GALNTL5: variants seen among roughly 807,000 people sequenced by gnomAD.
The protein encoded by GALNTL5 is inactive polypeptide N-acetylgalactosaminyltransferase-like protein 5.
Under a neutral mutation model 51.0 loss-of-function variants are expected in GALNTL5, and 44 were observed. The observed-to-expected ratio is 0.86, with a 90% CI of 0.68 to 1.11. GALNTL5 has a LOEUF of 1.11. GALNTL5 is among the 50% of genes least tolerant of loss of function. GALNTL5 has a pLI of 0.00. For missense variants in GALNTL5, 528 were observed against 531.8 expected (o/e 0.99, Z 0.07); for synonymous variants, 192 against 182.8 (o/e 1.05, Z -0.41).
intron 3 of GALNTL5, among the ~76,000 whole-genome samples, chr7:151,977,275 A>G (rs74527662): frequency 0.039 from 5,936 of 152,262 alleles, 197 homozygotes; most frequent in East Asian, 0.2. Flanking sequence ...CAAGTAGAAA[A>G]TAAGTTATAA....
intron 3 of GALNTL5, among the ~76,000 whole-genome samples, chr7:151,980,061 TTCTG>T (rs2081259895): frequency 6.6e-6 from 1 of 152,180 alleles, no homozygotes; most frequent in Admixed American, 6.5e-5. Context: ...CTCTCCTACT[TTCTG>T]TCTCTCAACT....
chr7:151,993,059 G>A (rs1431382128), intron 5 of GALNTL5, among the ~76,000 whole-genome samples: 1 of 152,028 alleles, frequency 6.6e-6, no homozygotes, highest in African/African-American at 2.4e-5. Context: ...CCAACAGGGA[G>A]AACCCCCATC....
intron 3 of GALNTL5, among the ~76,000 whole-genome samples, chr7:151,976,006 A>G (rs1162009123): frequency 1.3e-5 from 2 of 152,182 alleles, no homozygotes; most frequent in Non-Finnish European, 2.9e-5. Context: ...ATCCTGGAGG[A>G]TATTCCATGT....
At chr7:151,999,500 C>T (rs1355078506) in intron 5 of GALNTL5, among the ~76,000 whole-genome samples, 1 of 152,188 alleles carries the variant, frequency 6.6e-6, no homozygotes, top group Non-Finnish European at 1.5e-5. Flanking sequence ...CAAATTTCTC[C>T]ATATCCCTGC....
At chr7:151,992,925 G>T (rs1450370025) in intron 5 of GALNTL5, among the ~76,000 whole-genome samples, 1 of 151,962 alleles carries the variant, frequency 6.6e-6, no homozygotes, top group African/African-American at 2.4e-5. Context: ...CCACGCACAC[G>T]CATCGCATCT....
intron 7 of GALNTL5, among the ~76,000 whole-genome samples, chr7:152,013,857 G>A (rs1428266606): frequency 1.3e-5 from 2 of 152,126 alleles, no homozygotes; most frequent in Non-Finnish European, 2.9e-5. Context: ...TTTCTTCTGT[G>A]TGCTTTCCTG....
chr7:151,989,033 G>T (rs941326320), intron 5 of GALNTL5, among the ~76,000 whole-genome samples: 2 of 152,042 alleles, frequency 1.3e-5, no homozygotes, highest in African/African-American at 2.4e-5. Context: ...CATACTGTCT[G>T]TACTGTCCTG....
At chr7:151,984,620 G>T (rs1163039961) in intron 4 of GALNTL5, among the ~76,000 whole-genome samples, 2 of 152,160 alleles carry the variant, frequency 1.3e-5, no homozygotes, top group African/African-American at 2.4e-5. Context: ...GAGGGCACAG[G>T]ACTGTCTATT....
chr7:151,991,861 G>C (rs529156634), intron 5 of GALNTL5, among the ~76,000 whole-genome samples: 1 of 152,290 alleles, frequency 6.6e-6, no homozygotes, highest in Admixed American at 6.5e-5. Context: ...AGAGATGATA[G>C]ATTAAAATGG....
intron 7 of GALNTL5, among the ~76,000 whole-genome samples, chr7:152,010,495 C>T (rs1030571956): frequency 2.6e-5 from 4 of 152,026 alleles, no homozygotes; most frequent in Admixed American, 6.6e-5. Flanking sequence ...GGCCCAGGTG[C>T]GGCAGCTCAC....
chr7:152,006,793 G>A (rs1447277731), intron 6 of GALNTL5, among the ~76,000 whole-genome samples: 2 of 151,844 alleles, frequency 1.3e-5, no homozygotes, highest in Non-Finnish European at 2.9e-5. Flanking sequence ...GGGGGGGGCG[G>A]GACAGATTCT....
At chr7:151,992,525 T>C (rs2081440119) in intron 5 of GALNTL5, among the ~76,000 whole-genome samples, 1 of 152,142 alleles carries the variant, frequency 6.6e-6, no homozygotes, top group Non-Finnish European at 1.5e-5. Context: ...CGGCTCCGCC[T>C]CTCTGTTCAC....
chr7:151,999,069 C>A (rs12668772), intron 5 of GALNTL5, among the ~76,000 whole-genome samples: 50,789 of 151,856 alleles, frequency 0.33, 8,713 homozygotes, highest in East Asian at 0.53. Context: ...CAGTCTCTGG[C>A]AACCACCTAT....
chr7:151,993,997 A>G (rs2081460524), intron 5 of GALNTL5, among the ~76,000 whole-genome samples: 1 of 152,152 alleles, frequency 6.6e-6, no homozygotes, highest in African/African-American at 2.4e-5. Context: ...TATATGTATA[A>G]TTTTGTTCAT....
In GALNTL5 at chr7:152,002,864, C is replaced by T; in HGVS notation, c.809C>T (p.Pro270Leu). The change falls in exon 6 of 9, where the codon CCT (proline) becomes CTT (leucine). Residue 270 changes from proline to leucine, a missense_variant. By Grantham distance (98) the Pro-to-Leu change is moderately conservative. Coordinates refer to ENST00000392800, the MANE Select transcript of GALNTL5 (RefSeq NM_145292.4). ...AGAACTCTGGAGTATAAGCCCTCTC[C>T]TCTTGTAAGGGGAACTTTTGATTGG... ...DDRTLEYKPS[P>L]LVRGTFDWNL... is the part of the protein sequence containing the mutation. 1 of 1,614,132 alleles carries T rather than the reference C, an allele frequency of 6.2e-7. No homozygotes were observed. Among genetic ancestry groups the T allele is most frequent in the Non-Finnish European group, 8.5e-7 (1 of 1,180,004 alleles).
intron 1 of GALNTL5, among the ~76,000 whole-genome samples, chr7:151,962,558 C>T (rs997025468): frequency 1.1e-4 from 17 of 151,392 alleles, no homozygotes; most frequent in African/African-American, 7.3e-5. Flanking sequence ...CCCACATACT[C>T]TTCCTCTCAA....
In GALNTL5 at chr7:152,019,712, G is replaced by C; in HGVS notation, c.1243G>C (p.Glu415Gln). 1 of 1,613,818 alleles carries C rather than the reference G, an allele frequency of 6.2e-7. No individual in the cohort carries two copies. Among genetic ancestry groups the C allele is most frequent in the Non-Finnish European group, 8.5e-7 (1 of 1,179,764 alleles). Residue 415 changes from glutamate (E) to glutamine (Q), a missense_variant, in exon 9 of 9, where the codon GAG (glutamate) becomes CAG (glutamine). Coordinates refer to ENST00000392800, the MANE Select transcript of GALNTL5 (RefSeq NM_145292.4). The part of the protein sequence containing the change: ...VTYGNIRERV[E>Q]LRKRLGCKSF... ...CTACGGAAATATTCGCGAGCGTGTT[G>C]AGTTAAGGAAACGACTGGGTTGCAA...
intron 1 of GALNTL5, chr7:151,958,025 T>A (rs1303754698): frequency 2.0e-5 from 3 of 152,184 alleles, no homozygotes; most frequent in Admixed American, 6.5e-5. Flanking sequence ...TGTTCATAAG[T>A]GTTCACGTCT....
At chr7:152,007,081 A>G (rs2081654520) in intron 6 of GALNTL5, among the ~76,000 whole-genome samples, 2 of 152,186 alleles carry the variant, frequency 1.3e-5, no homozygotes, top group Middle Eastern at 3.4e-3. Flanking sequence ...CTATTTTCAA[A>G]CTACTTAGTT....
Sources: allele counts gnomAD v4.1 joint callset (sites outside exome capture counted in the v4.1 genomes callset), GRCh38; gene constraint gnomAD v4.1.1; transcripts MANE v1.5; gene names NCBI Gene and HGNC (gene_info 2026-07-23, HGNC 2026-07-21).